PIKFYVE: variants seen among roughly 807,000 people sequenced by gnomAD.
PIKFYVE encodes 1-phosphatidylinositol 3-phosphate 5-kinase.
PIKFYVE carries 122 observed loss-of-function variants against 257.9 expected under a neutral mutation model. That is an observed-to-expected ratio of 0.47 (90% confidence interval 0.41 to 0.55). PIKFYVE has a LOEUF of 0.55. PIKFYVE is among the 20% of genes least tolerant of loss of function. The probability of loss-of-function intolerance (pLI) is 0.00; values close to 1 mark genes in which losing one functional copy is unlikely to be tolerated. For missense variants in PIKFYVE, 2,160 were observed against 2,536.6 expected (o/e 0.85, Z 3.19); for synonymous variants, 892 against 868.9 (o/e 1.03, Z -0.47).
At chr2:208,266,678 GA>G in intron 1 of PIKFYVE, among the ~76,000 whole-genome samples, 1 of 152,214 alleles carries the variant, frequency 6.6e-6, no homozygotes, top group Non-Finnish European at 1.5e-5. Context: ...GGAAACATTT[GA>G]AGTTCCTTTG....
At chr2:208,321,580 T>G (rs4021433) in intron 17 of PIKFYVE, among the ~76,000 whole-genome samples, 1 of 1,964 alleles carries the variant, frequency 5.1e-4, no homozygotes, top group African/African-American at 9.2e-4. Flanking sequence ...CTTTTGTTTT[T>G]TTTTTTTTTT....
At chr2:208,317,363 A>G (rs1050648211) in intron 15 of PIKFYVE, among the ~76,000 whole-genome samples, 9 of 152,200 alleles carry the variant, frequency 5.9e-5, no homozygotes, top group African/African-American at 1.9e-4. Context: ...TATGCAGCCA[A>G]AAGACACATG....
Position 208,304,218 on chromosome 2 carries a change from C to T in PIKFYVE, c.1368C>T (p.Asn456=), listed in dbSNP as rs753669114. 5.6e-6 allele frequency: 9 copies of T among 1,613,962 alleles called. No individual in the cohort carries two copies. The highest frequency in any genetic ancestry group is 1.7e-5 in the Admixed American group (1 of 59,994). The change falls in exon 11 of 42, where the codon AAC becomes AAT. Residue 456 remains asparagine (N), a synonymous_variant. Coordinates refer to ENST00000264380, the MANE Select transcript of PIKFYVE (RefSeq NM_015040.4). ...ETPSPDSDSV[N]SVEGHSEPSW... is the part of the protein sequence containing the mutation. ...CTTCTCCCGACAGTGACTCAGTGAA[C>T]TCCGTGGAAGGACACTCTGAGCCAT...
chr2:208,308,539 C>T (rs1694608503), intron 12 of PIKFYVE, among the ~76,000 whole-genome samples: 1 of 151,976 alleles, frequency 6.6e-6, no homozygotes. Context: ...AAAACTTATT[C>T]CTCCTGTCTG....
At position 208,302,367 on chromosome 2, in the gene PIKFYVE, T is replaced by G; in HGVS notation, c.1320+14T>G. 6.3e-7 allele frequency: 1 copy of G among 1,589,028 alleles called. No individual in the cohort carries two copies. Among genetic ancestry groups the G allele is most frequent in the Non-Finnish European group, 8.6e-7 (1 of 1,157,276 alleles). On this transcript the variant is annotated intron_variant, in intron 10 of 41. Transcript: ENST00000264380. ...AGACCACTGCAGGTACTTTTCAGTG[T>G]TTACTGCCAATTAGAATGTAGCAAG...
At chr2:208,286,737 C>T (rs1285230862) in intron 6 of PIKFYVE, among the ~76,000 whole-genome samples, 1 of 151,016 alleles carries the variant, frequency 6.6e-6, no homozygotes, top group Admixed American at 6.6e-5. Flanking sequence ...ACCAGGCTGT[C>T]TTGAACTCCT....
At chr2:208,334,422 C>G (rs1697899161) in intron 24 of PIKFYVE, 3 of 153,040 alleles carry the variant, frequency 2.0e-5, no homozygotes. Context: ...CAGGACCTCT[C>G]TGCTCTTACC....
chr2:208,333,802 A>T (rs577315193), intron 24 of PIKFYVE, among the ~76,000 whole-genome samples: 64 of 152,270 alleles, frequency 4.2e-4, no homozygotes, highest in African/African-American at 1.5e-3. Flanking sequence ...TTTTAAAAAA[A>T]GTTTTAATAT....
At position 208,325,800 on chromosome 2, in the gene PIKFYVE, G is replaced by A. The variant is rs752912211; in HGVS notation, c.2989G>A (p.Glu997Lys). The A allele has an allele frequency of 6.2e-7, 1 of 1,614,040 alleles. No individual in the cohort carries two copies. Among genetic ancestry groups the A allele is most frequent in the Non-Finnish European group, 8.5e-7 (1 of 1,180,024 alleles). Residue 997 changes from glutamate (E) to lysine (K), a missense_variant, in exon 20 of 42, where the codon GAG (glutamate) becomes AAG (lysine). Transcript: ENST00000264380. ...QQDALGSEQP[E>K]TLQQTVVLQD... is the part of the protein sequence containing the mutation. ...AGATGCTTTAGGCAGCGAGCAGCCA[G>A]AGACTTTGCAGCAAACAGTTGTGCT...
At chr2:208,323,172 C>T (rs1696493781) in intron 17 of PIKFYVE, among the ~76,000 whole-genome samples, 2 of 150,422 alleles carry the variant, frequency 1.3e-5, no homozygotes, top group Non-Finnish European at 1.5e-5. Context: ...AGGTTAGTTA[C>T]ATATGTATAC....
chr2:208,336,086 A>G lies in PIKFYVE; in HGVS notation c.4406A>G (p.Gln1469Arg). The change falls in exon 27 of 42, where the codon CAA becomes CGA. Residue 1469 changes from glutamine (Q) to arginine (R), a missense_variant. Physicochemically the swap from Gln to Arg is conservative, Grantham distance 43. This residue lies in a region of PIKFYVE where 699 missense variants were observed against 855.8 expected (regional missense o/e 0.82). Coordinates refer to ENST00000264380, the MANE Select transcript of PIKFYVE (RefSeq NM_015040.4). The stretch of plus-strand genomic sequence containing the variant: ...TTCAAGAACTGGATTGAGAAGATGC[A>G]AGCAAGGCTCATGTCTTCCTCTGTA... ...GEFKNWIEKM[Q>R]ARLMSSSVDT... 2.5e-6 allele frequency: 4 copies of G among 1,614,114 alleles called. No individual in the cohort carries two copies. Among genetic ancestry groups the G allele is most frequent in the Non-Finnish European group, 3.4e-6 (4 of 1,179,980 alleles).
At position 208,298,704 on chromosome 2, in the gene PIKFYVE, G is replaced by A. The variant is rs756366666; in HGVS notation, c.975G>A (p.Glu325=). 33 of 1,613,928 alleles carry A rather than the reference G, an allele frequency of 2.0e-5. No homozygotes were observed. The highest frequency in any genetic ancestry group is 2.6e-5 in the Non-Finnish European group (31 of 1,179,938). The part of the protein sequence containing the change: ...RSGSPMVPSY[E]TSVSPQANRT... ...GTTCTCCTATGGTACCTTCATATGA[G>A]ACATCTGTCAGTCCCCAGGCTAACC... Residue 325 remains glutamate, a synonymous_variant, in exon 8 of 42, where the codon GAG becomes GAA. Coordinates refer to ENST00000264380, the MANE Select transcript of PIKFYVE (RefSeq NM_015040.4).
chr2:208,348,491 A>G (rs1699444081), intron 35 of PIKFYVE, among the ~76,000 whole-genome samples: 1 of 151,988 alleles, frequency 6.6e-6, no homozygotes, highest in Non-Finnish European at 1.5e-5. Flanking sequence ...GCCCATGTCT[A>G]TAATCCCATC....
chr2:208,315,536 A>G (rs948951393), intron 15 of PIKFYVE, among the ~76,000 whole-genome samples, 163 bp downstream of exon 15: 1 of 152,212 alleles, frequency 6.6e-6, no homozygotes, highest in Non-Finnish European at 1.5e-5. Context: ...CTTAGGAGTC[A>G]TGGAAGCCAC....
chr2:208,272,805 A>C (rs1483060797), intron 2 of PIKFYVE, among the ~76,000 whole-genome samples: 1 of 152,040 alleles, frequency 6.6e-6, no homozygotes, highest in Non-Finnish European at 1.5e-5. Flanking sequence ...AAAAAAAAAA[A>C]CTATTTTTTA....
rs1365308333 is a variant in PIKFYVE at position 208,354,262 on chromosome 2, A to ATTT, written c.6106+103_6106+104insTTT. On this transcript the variant is annotated intron_variant, in intron 40 of 41. Coordinates refer to ENST00000264380, the MANE Select transcript of PIKFYVE (RefSeq NM_015040.4). ...TAATAATAGCTTATTGAATATTTTC[A>ATTT]CAAACTTTCATTTGAAATTTCAAAA... 2.3e-5 allele frequency: 32 copies of ATTT among 1,388,610 alleles called. No individual in the cohort carries two copies. In the African/African-American group the frequency reaches 4.4e-4, roughly 19 times the overall value. The allele number at this position is 1,388,610 out of a possible 1,614,324, so 86.0% of individuals were successfully genotyped here.
intron 31 of PIKFYVE, 93 bp from the exon 32 acceptor site, chr2:208,342,461 A>C: frequency 1.1e-6 from 1 of 877,884 alleles, no homozygotes; most frequent in African/African-American, 1.7e-5. Context: ...CTAATGATTC[A>C]GGTTATCATA....
intron 14 of PIKFYVE, among the ~76,000 whole-genome samples, chr2:208,314,827 C>A (rs903369506): frequency 6.6e-6 from 1 of 151,882 alleles, no homozygotes; most frequent in African/African-American, 2.4e-5. Flanking sequence ...ACTCAAGAGG[C>A]GGAGGTTGCA....
chr2:208,347,975 G>A lies in PIKFYVE; in HGVS notation c.5326G>A (p.Gly1776Arg). 6.2e-7 allele frequency: 1 copy of A among 1,614,160 alleles called. No individual in the cohort carries two copies. The highest frequency in any genetic ancestry group is 8.5e-7 in the Non-Finnish European group (1 of 1,180,004). ...RGADSAYYQV[G>R]QTGKEGTENQ... ...AGCAGATAGTGCTTACTACCAGGTTGGGCAGACGGGCAAGGAGGGGACCGA... is the reference window on the plus strand; with the variant it reads ...AGCAGATAGTGCTTACTACCAGGTTAGGCAGACGGGCAAGGAGGGGACCGA... Residue 1776 changes from glycine to arginine, a missense_variant, in exon 35 of 42, where the codon GGG becomes AGG. Around this residue, in one of 12 missense-constraint regions of PIKFYVE, gnomAD observed 699 missense variants for 855.8 expected, o/e 0.82. Coordinates refer to ENST00000264380, the MANE Select transcript of PIKFYVE (RefSeq NM_015040.4).
Sources: allele counts gnomAD v4.1 joint callset (sites outside exome capture counted in the v4.1 genomes callset), GRCh38; gene constraint gnomAD v4.1.1; regional missense constraint gnomAD v4.1.1; transcripts MANE v1.5; gene names NCBI Gene and HGNC (gene_info 2026-07-23, HGNC 2026-07-21).